The following SPATS2 variants were observed in gnomAD, a reference collection of about 807,000 sequenced individuals.
SPATS2 encodes spermatogenesis associated serine rich 2, also known as spermatogenesis-associated serine-rich protein 2.
A neutral mutation model predicts 63.7 loss-of-function variants in SPATS2; 38 were observed. The observed-to-expected ratio is 0.60, with a 90% confidence interval of 0.46 to 0.78. SPATS2 has a LOEUF of 0.78. SPATS2 is among the 30% of genes least tolerant of loss of function. The pLI is 0.00. For missense variants in SPATS2, 588 were observed against 666.2 expected, an observed-to-expected ratio of 0.88 and a Z score of 1.29; for synonymous variants, 207 against 232.9, an observed-to-expected ratio of 0.89 and a Z score of 1.01.
At chr12:49,514,332 A>T (rs1344949001) in intron 9 of SPATS2, 3 of 486,026 alleles carry the variant, frequency 6.2e-6, no homozygotes, top group Non-Finnish European at 1.1e-5. Context: ...CCAATATTGC[A>T]ATATAAAAGG....
At chr12:49,409,592 A>ATTTTT (rs753378038) in intron 2 of SPATS2, among the ~76,000 whole-genome samples, 3 of 73,562 alleles carry the variant, frequency 4.1e-5, no homozygotes, top group Non-Finnish European at 7.6e-5. Flanking sequence ...GTGCCCAGCA[A>ATTTTT]TTTTTTTTTT....
intron 2 of SPATS2, among the ~76,000 whole-genome samples, chr12:49,436,824 C>T (rs1368080888): frequency 7.1e-6 from 1 of 141,500 alleles, no homozygotes; most frequent in African/African-American, 2.7e-5. Flanking sequence ...AGAGGCGCCC[C>T]TCACCTCCTG....
intron 2 of SPATS2, among the ~76,000 whole-genome samples, chr12:49,409,591 AATTTTT>A (rs2039562929): frequency 4.1e-5 from 5 of 123,316 alleles, no homozygotes; most frequent in African/African-American, 1.3e-4. Context: ...TGTGCCCAGC[AATTTTT>A]TTTTTTTTTT....
At chr12:49,453,869 T>TTC (rs1945670410) in intron 2 of SPATS2, among the ~76,000 whole-genome samples, 1 of 141,390 alleles carries the variant, frequency 7.1e-6, no homozygotes, top group Non-Finnish European at 1.5e-5. Flanking sequence ...TTTTTTTTTT[T>TTC]TTTTTTTTTT....
intron 2 of SPATS2, among the ~76,000 whole-genome samples, chr12:49,381,046 TTTG>T (rs138097273): frequency 0.29 from 44,521 of 151,336 alleles, 8,822 homozygotes; most frequent in African/African-American, 0.57. Context: ...CTTGTCAACA[TTTG>T]TTGTTGTTGT....
chr12:49,407,413 G>A (rs1944715603), intron 2 of SPATS2, among the ~76,000 whole-genome samples: 2 of 152,092 alleles, frequency 1.3e-5, no homozygotes, highest in Non-Finnish European at 2.9e-5. Context: ...ACAAAGTCTG[G>A]CTTCAGTTTA....
At chr12:49,436,322 C>A (rs2137516289) in intron 2 of SPATS2, among the ~76,000 whole-genome samples, 1 of 145,756 alleles carries the variant, frequency 6.9e-6, no homozygotes, top group African/African-American at 2.6e-5. Context: ...GGCAGAGGGG[C>A]TCCTCACTTC....
At chr12:49,459,203 T>C (rs2137665151) in intron 2 of SPATS2, among the ~76,000 whole-genome samples, 1 of 152,244 alleles carries the variant, frequency 6.6e-6, no homozygotes, top group Admixed American at 6.5e-5. Context: ...CCAGGAAGAT[T>C]GTAACCCCAT....
rs1013735888 is a variant in SPATS2, at chr12:49,460,818, C to T, written c.-195C>T. ...GAATGTCTGCAATGATACTTCCTGA[C>T]AAGAAGTTGATACAAGAAAAGGAAA... On this transcript the variant is annotated 5_prime_UTR_variant, in exon 3 of 14. Transcript: ENST00000552918. 8.1e-6 allele frequency: 5 copies of T among 617,082 alleles called. No individual in the cohort carries two copies. In the Admixed American group the frequency reaches 1.6e-4, roughly 19 times the overall value. The allele number at this position is 617,082 out of a possible 1,614,324, so 38.2% of individuals were successfully genotyped here.
intron 3 of SPATS2, among the ~76,000 whole-genome samples, chr12:49,484,273 A>G (rs909798234): frequency 1.7e-4 from 26 of 152,168 alleles, no homozygotes; most frequent in African/African-American, 6.0e-4. Context: ...ATGGGGAGCT[A>G]TTTACTTGTG....
intron 9 of SPATS2, among the ~76,000 whole-genome samples, chr12:49,501,788 TG>T (rs1946571859): frequency 2.6e-5 from 4 of 152,000 alleles, no homozygotes; most frequent in Admixed American, 2.6e-4. Flanking sequence ...GCTAATTTTT[TG>T]TGTGTTTTTA....
At chr12:49,500,250 A>T in intron 9 of SPATS2, 45 bp downstream of exon 9, 1 of 1,557,912 alleles carries the variant, frequency 6.4e-7, no homozygotes, top group Non-Finnish European at 8.6e-7. Flanking sequence ...AAATGATCAT[A>T]TATAAATATA....
chr12:49,375,141 AGT>A (rs10601423), intron 2 of SPATS2, among the ~76,000 whole-genome samples: 3,905 of 123,220 alleles, frequency 0.032, 80 homozygotes, highest in East Asian at 0.12. Flanking sequence ...CAAGTTGTGG[AGT>A]GTGTGTGTGT....
At chr12:49,449,340 T>G (rs559484302) in intron 2 of SPATS2, among the ~76,000 whole-genome samples, 1 of 152,206 alleles carries the variant, frequency 6.6e-6, no homozygotes, top group South Asian at 2.1e-4. Flanking sequence ...CTCAGCCTCC[T>G]GAGTAGCTGG....
intron 2 of SPATS2, among the ~76,000 whole-genome samples, chr12:49,375,740 G>T (rs1464240903): frequency 6.6e-6 from 1 of 152,208 alleles, no homozygotes; most frequent in Admixed American, 6.5e-5. Flanking sequence ...ATGTAATGAC[G>T]GGAAGTTAAT....
At chr12:49,434,513 A>G (rs1945240173) in intron 2 of SPATS2, among the ~76,000 whole-genome samples, 1 of 152,142 alleles carries the variant, frequency 6.6e-6, no homozygotes, top group South Asian at 2.1e-4. Context: ...CTTTTAATAC[A>G]TGTTCCCATT....
chr12:49,381,386 G>GA (rs1944219148), intron 2 of SPATS2, among the ~76,000 whole-genome samples: 1 of 152,154 alleles, frequency 6.6e-6, no homozygotes, highest in African/African-American at 2.4e-5. Context: ...AAATTGCCTA[G>GA]TTTTTCCAAG....
chr12:49,416,402 TG>T (rs1200124547), intron 2 of SPATS2, among the ~76,000 whole-genome samples: 3 of 152,190 alleles, frequency 2.0e-5, no homozygotes, highest in South Asian at 4.1e-4. Flanking sequence ...TGAGGCTTAC[TG>T]GGTATCTTAT....
rs76673229 is a variant in SPATS2 at position 49,421,612 on chromosome 12, G to C, written c.-243-39158G>C. Among the ~76,000 whole-genome samples, 257 of 152,110 alleles carry C rather than the reference G, an allele frequency of 1.7e-3. 1 individual carries two copies. Among genetic ancestry groups the C allele is most frequent in the African/African-American group, 3.8e-3 (156 of 41,500 alleles). Reference sequence around the variant, plus strand: ...TCTGGTCCATTTTAAAGTCTAAAAGGTTTTCCCCTACATCATAAAAAGGTG... The same window carrying C: ...TCTGGTCCATTTTAAAGTCTAAAAGCTTTTCCCCTACATCATAAAAAGGTG... On this transcript the variant is annotated intron_variant, in intron 2 of 13. Coordinates refer to ENST00000552918, the MANE Select transcript of SPATS2 (RefSeq NM_023071.4).
Sources: gnomAD v4.1 joint callset for allele counts (sites outside exome capture counted in the v4.1 genomes callset) on GRCh38, gnomAD v4.1.1 for gene constraint, MANE v1.5 for transcripts, NCBI Gene and HGNC (gene_info 2026-07-23, HGNC 2026-07-21) for gene names.